The following IQCJ variants were observed in gnomAD, a reference collection of about 807,000 sequenced individuals.
IQCJ encodes the protein IQ domain-containing protein J.
IQCJ carries 9 observed loss-of-function variants against 11.0 expected under a neutral mutation model. The ratio of observed to expected loss-of-function variants is 0.82; its 90% CI spans 0.49 to 1.43. The LOEUF (loss-of-function observed/expected upper bound fraction) is 1.43, where lower values mean the gene tolerates loss of function less well. Among genes scored for constraint, IQCJ ranks in the 40% most tolerant of loss-of-function variants. The pLI, the probability that IQCJ is intolerant of heterozygous loss-of-function variation, is 0.00. For synonymous variants in IQCJ, 55 were observed against 51.3 expected (o/e 1.07, Z -0.31); for missense variants, 146 against 133.2 (o/e 1.10, Z -0.47).
intron 3 of IQCJ, among the ~76,000 whole-genome samples, chr3:159,261,932 TC>T (rs1728234148): frequency 6.6e-6 from 1 of 152,220 alleles, no homozygotes; most frequent in Non-Finnish European, 1.5e-5. Flanking sequence ...CATTTCCTAT[TC>T]CCTTCCACAG....
chr3:159,263,111 C>T lies in IQCJ; in HGVS notation c.*380C>T, dbSNP rs995003565. 356 of 985,016 alleles carry T rather than the reference C, an allele frequency of 3.6e-4. No individual in the cohort carries two copies. Among genetic ancestry groups the T allele is most frequent in the Non-Finnish European group, 4.2e-4 (348 of 827,452 alleles). 61.0% of individuals were successfully genotyped at this position (985,016 alleles called of 1,614,324 possible). A position where few individuals can be genotyped will look rare whatever the true frequency, so the allele number is the denominator to read the frequency against. ...GTGGTCACACACTCAGGGGTTGCAA[C>T]TTAAATGTCTCCAGGGGCCAGGTAA... On this transcript the variant is annotated 3_prime_UTR_variant, in exon 4 of 4. Coordinates refer to ENST00000397832, the MANE Select transcript of IQCJ (RefSeq NM_001042706.3).
intron 1 of IQCJ, among the ~76,000 whole-genome samples, chr3:159,081,407 T>C (rs1039499150): frequency 6.6e-6 from 1 of 152,038 alleles, no homozygotes; most frequent in Non-Finnish European, 1.5e-5. Flanking sequence ...AATGCTGATA[T>C]CAGAGCCAGG....
chr3:159,131,707 GTC>G (rs1372610846), intron 1 of IQCJ, among the ~76,000 whole-genome samples: 1 of 152,050 alleles, frequency 6.6e-6, no homozygotes, highest in Non-Finnish European at 1.5e-5. Context: ...TTTCATTAAG[GTC>G]TGTTCCCTTG....
At chr3:159,241,416 A>AAAAAT (rs200258526) in intron 1 of IQCJ, among the ~76,000 whole-genome samples, 2 of 152,018 alleles carry the variant, frequency 1.3e-5, no homozygotes, top group South Asian at 2.1e-4. Flanking sequence ...CTCAAAAAAT[A>AAAAAT]AAAATAAAAT....
chr3:159,238,528 A>G (rs994664242), intron 1 of IQCJ, among the ~76,000 whole-genome samples: 1 of 152,182 alleles, frequency 6.6e-6, no homozygotes, highest in African/African-American at 2.4e-5. Flanking sequence ...TCAATAACTC[A>G]TTTTGGGAAT....
At chr3:159,192,427 T>C (rs1326648628) in intron 1 of IQCJ, among the ~76,000 whole-genome samples, 1 of 152,144 alleles carries the variant, frequency 6.6e-6, no homozygotes, top group African/African-American at 2.4e-5. Context: ...GGGGAGTGGT[T>C]TTATGAACCA....
chr3:159,208,582 T>C (rs967552845), intron 1 of IQCJ, among the ~76,000 whole-genome samples: 1 of 152,242 alleles, frequency 6.6e-6, no homozygotes, highest in African/African-American at 2.4e-5. Flanking sequence ...GTCTACTCAA[T>C]TCCTAACAAT....
Position 159,263,260 on chromosome 3 carries a change from TG to T in IQCJ, c.*531del. ...CACCATGTGGCGATACAGGCAGGCA[TG>T]GCCAAATGTGATTTTCTTTCTTCAG... On this transcript the variant is annotated 3_prime_UTR_variant, in exon 4 of 4. Coordinates refer to ENST00000397832, the MANE Select transcript of IQCJ (RefSeq NM_001042706.3). 3.1e-6 allele frequency: 1 copy of T among 320,554 alleles called. No individual in the cohort carries two copies. Among genetic ancestry groups the T allele is most frequent in the Non-Finnish European group, 4.5e-6 (1 of 222,124 alleles). 19.9% of individuals were successfully genotyped at this position (320,554 alleles called of 1,614,324 possible). A position where few individuals can be genotyped will look rare whatever the true frequency, so the allele number is the denominator to read the frequency against.
At chr3:159,245,951 G>A (rs1265042512) in intron 2 of IQCJ, 44 bp downstream of exon 2, 2 of 1,413,542 alleles carry the variant, frequency 1.4e-6, no homozygotes, top group Non-Finnish European at 1.9e-6. Flanking sequence ...AGGTTGGAAA[G>A]CTTGAGTAAA....
chr3:159,133,742 A>T (rs1046461849), intron 1 of IQCJ, among the ~76,000 whole-genome samples: 5 of 152,130 alleles, frequency 3.3e-5, no homozygotes, highest in Non-Finnish European at 5.9e-5. Context: ...ATATTACAAG[A>T]GCCACCTTAG....
At chr3:159,131,330 T>C (rs1224872590) in intron 1 of IQCJ, among the ~76,000 whole-genome samples, 1 of 150,422 alleles carries the variant, frequency 6.6e-6, no homozygotes, top group Non-Finnish European at 1.5e-5. Flanking sequence ...CAAGTCCCTC[T>C]CTACTTTTCT....
At chr3:159,178,566 A>T (rs564738024) in intron 1 of IQCJ, among the ~76,000 whole-genome samples, 1 of 152,272 alleles carries the variant, frequency 6.6e-6, no homozygotes, top group Admixed American at 6.5e-5. Context: ...TACATACTAT[A>T]CCAACACTGT....
At chr3:159,089,464 C>T (rs1158874323) in intron 1 of IQCJ, among the ~76,000 whole-genome samples, 2 of 151,842 alleles carry the variant, frequency 1.3e-5, no homozygotes. Flanking sequence ...TGAATGTTGG[C>T]CTGCCTTGCT....
intron 1 of IQCJ, among the ~76,000 whole-genome samples, chr3:159,223,932 G>T (rs369890527): frequency 3.3e-5 from 5 of 152,014 alleles, no homozygotes; most frequent in Non-Finnish European, 7.4e-5. Context: ...ATCTCATTAC[G>T]TATGTGCAAA....
At chr3:159,193,777 G>T (rs892085243) in intron 1 of IQCJ, among the ~76,000 whole-genome samples, 3 of 152,138 alleles carry the variant, frequency 2.0e-5, no homozygotes, top group African/African-American at 7.2e-5. Context: ...AGGATCACTG[G>T]TCCTTTTCAC....
At chr3:159,201,339 A>T (rs1218788766) in intron 1 of IQCJ, among the ~76,000 whole-genome samples, 1 of 152,224 alleles carries the variant, frequency 6.6e-6, no homozygotes, top group Non-Finnish European at 1.5e-5. Context: ...TTTGGGTTTT[A>T]TATGGTAGTG....
intron 1 of IQCJ, among the ~76,000 whole-genome samples, chr3:159,232,798 A>T (rs7634067): frequency 1.5e-3 from 229 of 152,112 alleles, no homozygotes; most frequent in African/African-American, 5.4e-3. Context: ...TGTCTTGTTG[A>T]TCTAATATTG....
At chr3:159,081,329 C>T (rs1282723248) in intron 1 of IQCJ, among the ~76,000 whole-genome samples, 1 of 152,046 alleles carries the variant, frequency 6.6e-6, no homozygotes, top group East Asian at 1.9e-4. Flanking sequence ...GCCATAGGCC[C>T]CTTCCTAAAC....
chr3:159,160,582 G>A (rs1403341866), intron 1 of IQCJ, among the ~76,000 whole-genome samples: 2 of 151,690 alleles, frequency 1.3e-5, no homozygotes, highest in East Asian at 3.9e-4. Context: ...TGCACAATGT[G>A]CAGGTTAGTT....
Sources: allele counts gnomAD v4.1 joint callset (sites outside exome capture counted in the v4.1 genomes callset), GRCh38; gene constraint gnomAD v4.1.1; transcripts MANE v1.5; gene names NCBI Gene and HGNC (gene_info 2026-07-23, HGNC 2026-07-21).